PDXDC1: variants seen among roughly 807,000 people sequenced by gnomAD.
The protein encoded by PDXDC1 is pyridoxal-dependent decarboxylase domain-containing protein 1.
Under a neutral mutation model 100.1 loss-of-function variants are expected in PDXDC1, and 42 were observed. The observed-to-expected ratio is 0.42, with a 90% confidence interval of 0.33 to 0.54. PDXDC1 has a LOEUF of 0.54. Among genes scored for constraint, PDXDC1 ranks in the 20% least tolerant of loss-of-function variants. PDXDC1 has a pLI of 0.10. For missense variants in PDXDC1, 636 were observed against 979.2 expected (o/e 0.65, Z 4.68); for synonymous variants, 260 against 371.7 (o/e 0.70, Z 3.46).
chr16:15,015,287 A>G (rs1251419291), intron 8 of PDXDC1, among the ~76,000 whole-genome samples: 1 of 152,284 alleles, frequency 6.6e-6, no homozygotes, highest in Admixed American at 6.5e-5. Flanking sequence ...AAAATAATCC[A>G]GGAAGTGACA....
At chr16:15,066,484 T>C (rs1426496263) in intron 16 of PDXDC1, among the ~76,000 whole-genome samples, 1 of 151,734 alleles carries the variant, frequency 6.6e-6, no homozygotes, top group Non-Finnish European at 1.5e-5. Flanking sequence ...AATACAAAAA[T>C]TAGCTGGGCG....
chr16:15,111,429 C>A lies in PDXDC1; in HGVS notation c.1400-27450C>A, dbSNP rs9746314. 5.4e-4 allele frequency among the ~76,000 whole-genome samples: 71 copies of A among 130,596 alleles called. 1 individual carries two copies. Among genetic ancestry groups the A allele is most frequent in the African/African-American group, 6.6e-4 (24 of 36,212 alleles). 85.7% of individuals were successfully genotyped at this position (130,596 alleles called of 152,430 possible). A position where few individuals can be genotyped will look rare whatever the true frequency, so the allele number is the denominator to read the frequency against. ...TGAGATTGTGCCATTGCACTCCAAC[C>A]TGGGCAACAAAATTCAAACTCTGTC... On this transcript the variant is annotated intron_variant, in intron 16 of 16. Transcript: ENST00000535621.
intron 16 of PDXDC1, among the ~76,000 whole-genome samples, chr16:15,114,929 T>A (rs1352066580): frequency 1.8e-3 from 35 of 19,226 alleles, no homozygotes; most frequent in African/African-American, 2.5e-3. Flanking sequence ...AAAAAAAAAT[T>A]TTTTTTTTTT....
intron 16 of PDXDC1, among the ~76,000 whole-genome samples, chr16:15,062,754 G>A (rs2081204262): frequency 6.6e-6 from 1 of 152,214 alleles, no homozygotes; most frequent in Admixed American, 6.5e-5. Context: ...ATGTCAGTAT[G>A]TGAAGTGTCT....
At chr16:15,094,052 T>A in intron 16 of PDXDC1, 1 of 1,142,264 alleles carries the variant, frequency 8.8e-7, no homozygotes, top group East Asian at 2.6e-5. Context: ...TCACACGCCA[T>A]GAGCTTTGTC....
intron 16 of PDXDC1, among the ~76,000 whole-genome samples, chr16:15,100,784 C>T (rs1017765864): frequency 6.6e-6 from 1 of 152,104 alleles, no homozygotes; most frequent in African/African-American, 2.4e-5. Context: ...TTGAGACCAG[C>T]CTAGCCAGAA....
At chr16:15,071,178 T>A in intron 16 of PDXDC1, 1 of 1,611,336 alleles carries the variant, frequency 6.2e-7, no homozygotes, top group Non-Finnish European at 8.5e-7. Context: ...TCCAGCAGCC[T>A]GCCTGATGAT....
At chr16:15,143,098 G>T (rs1218783077), downstream of PDXDC1, among the ~76,000 whole-genome samples, 1 of 152,142 alleles carries the variant, frequency 6.6e-6, no homozygotes, top group Non-Finnish European at 1.5e-5. Flanking sequence ...CCCCATGGGG[G>T]GCAGGACGGT....
chr16:14,997,616 T>A (rs1972265430), intron 1 of PDXDC1, 137 bp from the exon 2 acceptor site: 1 of 987,550 alleles, frequency 1.0e-6, no homozygotes, highest in Admixed American at 2.9e-5. Context: ...TATACTTTTG[T>A]ACTATTGCAA....
intron 16 of PDXDC1, chr16:15,132,697 G>A (rs1417081249): frequency 1.2e-6 from 1 of 835,022 alleles, no homozygotes; most frequent in Non-Finnish European, 2.0e-6. Flanking sequence ...TGCGGGGCGG[G>A]GTGAGCATGT....
chr16:15,094,165 C>T, intron 16 of PDXDC1: 1 of 1,601,838 alleles, frequency 6.2e-7, no homozygotes, highest in East Asian at 2.2e-5. Context: ...ACGCGCCCAG[C>T]TTCTTAACTG....
chr16:15,051,479 G>A (rs943301140), intron 16 of PDXDC1, among the ~76,000 whole-genome samples: 1 of 152,044 alleles, frequency 6.6e-6, no homozygotes, highest in Non-Finnish European at 1.5e-5. Flanking sequence ...CCAAGGAGCT[G>A]GGAACTACAG....
chr16:15,095,861 G>GGT (rs113527217), intron 16 of PDXDC1, among the ~76,000 whole-genome samples: 71,719 of 134,154 alleles, frequency 0.53, 20,670 homozygotes, highest in Admixed American at 0.67. Context: ...AAAAAAAAAA[G>GGT]GTGTGTGTGT....
Position 15,056,024 on chromosome 16 carries a change from CA to C in PDXDC1, c.1399+25969del, listed in dbSNP as rs1300948813. 3 of 926,244 alleles carry C rather than the reference CA, an allele frequency of 3.2e-6. No homozygotes were observed. The African/African-American group carries it at 5.3e-5, about 16-fold the overall frequency. 57.4% of individuals were successfully genotyped at this position (926,244 alleles called of 1,614,324 possible). A position where few individuals can be genotyped will look rare whatever the true frequency, so the allele number is the denominator to read the frequency against. On this transcript the variant is annotated intron_variant, in intron 16 of 16. Transcript: ENST00000535621. ...AGGGAGGCGGCGGCCCCCCGCTTTG[CA>C]GCCCCGGGCCGCCCGCCGCCCCCGC...
At position 15,023,868 on chromosome 16, in the gene PDXDC1, T is replaced by G. The variant is rs1262492365; in HGVS notation, c.1140+1114T>G. Among the ~76,000 whole-genome samples, 8 of 152,286 alleles carry G rather than the reference T, an allele frequency of 5.3e-5. No individual in the cohort carries two copies. The East Asian group carries it at 1.5e-3, about 29-fold the overall frequency. On this transcript the variant is annotated intron_variant, in intron 13 of 22. Transcript: ENST00000396410. ...GTGCCACAGGGTGGCCCTGTGACAT[T>G]GAGTCATTTTCTTTCCAAGCTTGAC...
intron 16 of PDXDC1, among the ~76,000 whole-genome samples, chr16:15,123,111 C>G (rs1379172026): frequency 3.3e-5 from 5 of 150,200 alleles, no homozygotes; most frequent in African/African-American, 4.9e-5. Flanking sequence ...CTTCTTCGGT[C>G]TGGGCCCTCC....
At chr16:15,028,642 A>G (rs550423795) in intron 14 of PDXDC1, among the ~76,000 whole-genome samples, 2 of 152,422 alleles carry the variant, frequency 1.3e-5, no homozygotes, top group South Asian at 4.1e-4. Flanking sequence ...CCTTGAAAGC[A>G]AACCTTTTCA....
At chr16:15,137,307 G>T in intron 16 of PDXDC1, 1 of 1,136,356 alleles carries the variant, frequency 8.8e-7, no homozygotes, top group Non-Finnish European at 1.3e-6. Flanking sequence ...GTGGGGGCAG[G>T]AGGCGGCGGG....
At chr16:14,989,848 T>C in intron 1 of PDXDC1, 1 of 1,539,530 alleles carries the variant, frequency 6.5e-7, no homozygotes, top group Non-Finnish European at 8.7e-7. Context: ...CACAGCCGAT[T>C]GGCAGCCACG....
Sources: gnomAD v4.1 joint callset for allele counts (sites outside exome capture counted in the v4.1 genomes callset) on GRCh38, gnomAD v4.1.1 for gene constraint, MANE v1.5 for transcripts, NCBI Gene and HGNC (gene_info 2026-07-23, HGNC 2026-07-21) for gene names.